The following CMIP variants were observed in gnomAD, a reference collection of about 807,000 sequenced individuals.
CMIP encodes c-Maf inducing protein, also known as C-Maf-inducing protein.
A neutral mutation model predicts 97.3 loss-of-function variants in CMIP; 13 were observed. The ratio of observed to expected loss-of-function variants is 0.13; its 90% confidence interval spans 0.09 to 0.21. The LOEUF is 0.21. Among genes scored for constraint, CMIP ranks in the 10% least tolerant of loss-of-function variants. The pLI, the probability that CMIP is intolerant of heterozygous loss-of-function variation, is 1.00. For missense variants in CMIP, 847 were observed against 1,024.9 expected, an observed-to-expected ratio of 0.83 and a Z score of 2.37; for synonymous variants, 538 against 436.3, an observed-to-expected ratio of 1.23 and a Z score of -2.91.
At chr16:81,669,234 C>G (rs1350692885) in intron 7 of CMIP, among the ~76,000 whole-genome samples, 1 of 130,862 alleles carries the variant, frequency 7.6e-6, no homozygotes, top group Non-Finnish European at 1.6e-5. Flanking sequence ...ATCCACCTCA[C>G]ACCTCCACAC....
At chr16:81,533,581 C>T (rs1597517299) in intron 1 of CMIP, among the ~76,000 whole-genome samples, 1 of 152,164 alleles carries the variant, frequency 6.6e-6, no homozygotes, top group Non-Finnish European at 1.5e-5. Flanking sequence ...CGGGTTCAAG[C>T]AGTTCTCCTG....
intron 1 of CMIP, among the ~76,000 whole-genome samples, chr16:81,576,591 T>C (rs11648151): frequency 0.54 from 82,268 of 151,900 alleles, 22,544 homozygotes; most frequent in Non-Finnish European, 0.57. Context: ...TGCTCAGGGA[T>C]ACGTAGCCAA....
At chr16:81,605,269 G>T (rs76135523) in intron 1 of CMIP, among the ~76,000 whole-genome samples, 4,244 of 152,312 alleles carry the variant, frequency 0.028, 83 homozygotes, top group Non-Finnish European at 0.04. Flanking sequence ...ACCTTCTTGG[G>T]TGACACATGG....
intron 1 of CMIP, among the ~76,000 whole-genome samples, chr16:81,451,971 T>C (rs1009266389): frequency 7.9e-5 from 12 of 152,202 alleles, no homozygotes; most frequent in Non-Finnish European, 1.3e-4. Context: ...AAGCTTCGCT[T>C]ACATCAGCAG....
rs377729642 is a variant in CMIP, at chr16:81,537,932, C to T, written c.301-69635C>T. 1.1e-4 allele frequency among the ~76,000 whole-genome samples: 16 copies of T among 152,306 alleles called. No individual in the cohort carries two copies. In the East Asian group the frequency reaches 2.7e-3, roughly 26 times the overall value. On this transcript the variant is annotated intron_variant, in intron 1 of 20. Transcript: ENST00000537098. Reference sequence around the variant, plus strand: ...CAGAGGGTGGAGAGAGCCCTGGGTGCAGAGTCTTGGCCGTCAGGCCGAGGC... The same window carrying T: ...CAGAGGGTGGAGAGAGCCCTGGGTGTAGAGTCTTGGCCGTCAGGCCGAGGC...
chr16:81,709,672 G>T (rs1484194390), intron 20 of CMIP, 74 bp from the exon 21 acceptor site: 14 of 1,552,674 alleles, frequency 9.0e-6, no homozygotes, highest in African/African-American at 1.4e-5. Context: ...CGGCAATGCG[G>T]GTGGAGCCAG....
intron 13 of CMIP, among the ~76,000 whole-genome samples, chr16:81,694,781 C>A (rs1007955127): frequency 6.6e-6 from 1 of 152,176 alleles, no homozygotes; most frequent in Non-Finnish European, 1.5e-5. Flanking sequence ...CACTGAAAAA[C>A]CGAGTTCTGG....
rs116222358 is a variant in CMIP, at chr16:81,498,740, A to G, written c.300+53199A>G. Among the ~76,000 whole-genome samples the G allele has an allele frequency of 5.4e-3, 817 of 152,220 alleles. 8 individuals carry two copies. Among genetic ancestry groups the G allele is most frequent in the African/African-American group, 0.019 (782 of 41,534 alleles). ...ATGCACTCCCCCAGGCGTCATGTAT[A>G]CACACAGTCCACACGTTTGCAAACG... On this transcript the variant is annotated intron_variant, in intron 1 of 20. Coordinates refer to ENST00000537098, the MANE Select transcript of CMIP (RefSeq NM_198390.3).
In CMIP at chr16:81,588,857, C is replaced by T. The variant is rs184803250; in HGVS notation, c.301-18710C>T. Among the ~76,000 whole-genome samples the T allele has an allele frequency of 7.0e-3, 1,060 of 152,126 alleles. 10 individuals are homozygous for T. The highest frequency in any genetic ancestry group is 9.7e-3 in the Non-Finnish European group (663 of 68,012). On this transcript the variant is annotated intron_variant, in intron 1 of 20. Transcript: ENST00000537098. ...CGTCGTCTTCCTGTGGCCCTGTCTC[C>T]TGGCCTCTATCACTCCCATTTCACA...
At chr16:81,585,539 G>A (rs1306482042) in intron 1 of CMIP, among the ~76,000 whole-genome samples, 1 of 152,152 alleles carries the variant, frequency 6.6e-6, no homozygotes, top group Non-Finnish European at 1.5e-5. Context: ...GCCTATTCTG[G>A]ACATTTCATA....
chr16:81,591,745 G>T (rs2091469677), intron 1 of CMIP, among the ~76,000 whole-genome samples: 1 of 151,862 alleles, frequency 6.6e-6, no homozygotes, highest in Non-Finnish European at 1.5e-5. Flanking sequence ...GTGCACAGGG[G>T]TGTGCATTGT....
chr16:81,640,770 G>GTGTGTCTC (rs376370488), intron 3 of CMIP, among the ~76,000 whole-genome samples: 177 of 135,720 alleles, frequency 1.3e-3, no homozygotes, highest in African/African-American at 4.7e-3. Context: ...GTGTGTGTGT[G>GTGTGTCTC]TCTCTCTCTC....
chr16:81,674,114 C>T (rs548695749), intron 9 of CMIP, among the ~76,000 whole-genome samples: 1 of 152,052 alleles, frequency 6.6e-6, no homozygotes, highest in Admixed American at 6.5e-5. Context: ...CCTCAGGTCC[C>T]GATGTTCAAA....
intron 1 of CMIP, among the ~76,000 whole-genome samples, chr16:81,511,768 C>T (rs1403210127): frequency 6.6e-6 from 1 of 152,122 alleles, no homozygotes; most frequent in Non-Finnish European, 1.5e-5. Flanking sequence ...CACCATGTTG[C>T]CCAGGCTGGT....
intron 11 of CMIP, 95 bp from the exon 12 acceptor site, chr16:81,693,063 T>A (rs1906280357): frequency 1.2e-6 from 1 of 861,234 alleles, no homozygotes; most frequent in Non-Finnish European, 1.9e-6. Context: ...GAATCAGACA[T>A]AAAGTCTAGA....
chr16:81,449,673 C>CG (rs1300355140), intron 1 of CMIP, among the ~76,000 whole-genome samples: 1 of 151,098 alleles, frequency 6.6e-6, no homozygotes, highest in African/African-American at 2.5e-5. Flanking sequence ...CAGATTTCCC[C>CG]CCCCCCCTTT....
intron 1 of CMIP, among the ~76,000 whole-genome samples, chr16:81,505,227 C>T (rs1397442648): frequency 1.3e-5 from 2 of 152,178 alleles, no homozygotes; most frequent in Non-Finnish European, 1.5e-5. Flanking sequence ...CATTGGCCAG[C>T]ACAAGTCACG....
chr16:81,453,892 C>G lies in CMIP; in HGVS notation c.300+8351C>G, dbSNP rs184998362. Among the ~76,000 whole-genome samples, 1 of 152,204 alleles carries G rather than the reference C, an allele frequency of 6.6e-6. No homozygotes were observed. Among genetic ancestry groups the G allele is most frequent in the South Asian group, 2.1e-4 (1 of 4,834 alleles). ...GCTAGAACTCAGACACACGGCCACACGGAGTGCAGGGGAAGACTTGGGAAC... is the reference window on the plus strand; with the variant it reads ...GCTAGAACTCAGACACACGGCCACAGGGAGTGCAGGGGAAGACTTGGGAAC... On this transcript the variant is annotated intron_variant, in intron 1 of 20. Coordinates refer to ENST00000537098, the MANE Select transcript of CMIP (RefSeq NM_198390.3). The surrounding 1 kb of genome is among the most constrained non-coding windows in gnomAD (Gnocchi z 4.0).
rs764628932 is a variant in CMIP, at chr16:81,607,683, C to T, written c.417C>T (p.Val139=). ...AGCTCACGATTCCTGGGGGAACTGT[C>T]TTACTGCAGGTAGGAGAAATAAACA... ...CLQLTIPGGT[V]LLQAANSYLR... The change falls in exon 2 of 21, where the codon GTC becomes GTT. Residue 139 remains valine, a synonymous_variant. Coordinates refer to ENST00000537098, the MANE Select transcript of CMIP (RefSeq NM_198390.3). 17 of 1,613,744 alleles carry T rather than the reference C, an allele frequency of 1.1e-5. No homozygotes were observed. Among genetic ancestry groups the T allele is most frequent in the African/African-American group, 1.3e-5 (1 of 74,932 alleles).
Sources: allele counts gnomAD v4.1 joint callset (sites outside exome capture counted in the v4.1 genomes callset), GRCh38; gene constraint gnomAD v4.1.1; non-coding constraint Gnocchi (gnomAD v3.1); transcripts MANE v1.5; gene names NCBI Gene and HGNC (gene_info 2026-07-23, HGNC 2026-07-21).